Variants in PTPRM observed in about 807,000 individuals in gnomAD.
PTPRM encodes protein tyrosine phosphatase receptor type M.
Under a neutral mutation model 186.7 loss-of-function variants are expected in PTPRM, and 47 were observed. That is an observed-to-expected ratio of 0.25 (90% CI 0.20 to 0.32). The LOEUF is 0.32. Ranked by LOEUF, PTPRM falls within the 10% of genes least tolerant of loss-of-function variation. PTPRM has a pLI of 1.00. For missense variants in PTPRM, 1,494 were observed against 1,865.0 expected, an observed-to-expected ratio of 0.80 and a Z score of 3.66; for synonymous variants, 668 against 674.9, an observed-to-expected ratio of 0.99 and a Z score of 0.16.
chr18:8,392,495 C>G (rs1033175700), intron 31 of PTPRM, among the ~76,000 whole-genome samples: 1 of 151,944 alleles, frequency 6.6e-6, no homozygotes, highest in Non-Finnish European at 1.5e-5. Flanking sequence ...GGCATGGTGG[C>G]AGGTGCCTGT....
intron 2 of PTPRM, among the ~76,000 whole-genome samples, chr18:7,821,132 G>A (rs1054259223): frequency 3.9e-5 from 6 of 152,154 alleles, no homozygotes; most frequent in African/African-American, 1.4e-4. Context: ...CCATCTGGTA[G>A]AACTCACTCT....
intron 23 of PTPRM, among the ~76,000 whole-genome samples, chr18:8,343,850 C>T (rs944314403): frequency 2.0e-5 from 2 of 98,516 alleles, no homozygotes; most frequent in Non-Finnish European, 4.9e-5. Context: ...TTAGACATGA[C>T]TACCTTCCCA....
At chr18:7,653,522 C>G (rs1267493477) in intron 1 of PTPRM, among the ~76,000 whole-genome samples, 1 of 152,062 alleles carries the variant, frequency 6.6e-6, no homozygotes, top group Non-Finnish European at 1.5e-5. Context: ...CTCTTTGTGT[C>G]CATGAGTTCC....
chr18:8,352,012 C>T (rs1195154571), intron 23 of PTPRM, among the ~76,000 whole-genome samples: 1 of 152,116 alleles, frequency 6.6e-6, no homozygotes, highest in Non-Finnish European at 1.5e-5. Context: ...ACAAATTAGC[C>T]CAAAGATAGG....
At chr18:7,802,141 G>A (rs1399943392) in intron 2 of PTPRM, among the ~76,000 whole-genome samples, 2 of 151,936 alleles carry the variant, frequency 1.3e-5, no homozygotes, top group African/African-American at 2.4e-5. Context: ...CCAGTTTGCC[G>A]CAGCTGCTAA....
At chr18:7,619,325 G>A (rs1004628952) in intron 1 of PTPRM, among the ~76,000 whole-genome samples, 2 of 152,196 alleles carry the variant, frequency 1.3e-5, no homozygotes, top group Non-Finnish European at 2.9e-5. Context: ...AACATTTACA[G>A]ATGATGACAT....
chr18:8,378,331 G>A lies in PTPRM; in HGVS notation c.3529G>A (p.Ala1177Thr), dbSNP rs1234949195. The change falls in exon 27 of 33, where the codon GCT becomes ACT. Residue 1177 changes from alanine to threonine, a missense_variant. This residue lies in a region of PTPRM where 1,107 missense variants were observed against 1,350.2 expected (regional missense o/e 0.82). Transcript: ENST00000580170. ...TCTTTGTGGGGACACCTCTGTGCCT[G>A]CTTCCCAAGTTAGGTCTCTGTATTA... ...ACLCGDTSVP[A>T]SQVRSLYYDM... 3.7e-6 allele frequency: 6 copies of A among 1,613,396 alleles called. No homozygotes were observed. Among genetic ancestry groups the A allele is most frequent in the Non-Finnish European group, 4.2e-6 (5 of 1,179,412 alleles).
intron 22 of PTPRM, among the ~76,000 whole-genome samples, chr18:8,321,394 C>G (rs2095344688): frequency 6.6e-6 from 1 of 152,138 alleles, no homozygotes; most frequent in African/African-American, 2.4e-5. Flanking sequence ...CTTTACCAGG[C>G]TTCCTTCCCT....
intron 2 of PTPRM, among the ~76,000 whole-genome samples, chr18:7,848,168 C>A (rs2046690975): frequency 6.6e-6 from 1 of 152,142 alleles, no homozygotes; most frequent in South Asian, 2.1e-4. Context: ...TGTATCCTTG[C>A]TGCCTATGGG....
intron 1 of PTPRM, among the ~76,000 whole-genome samples, chr18:7,719,283 C>T (rs1436202093): frequency 6.6e-6 from 1 of 151,938 alleles, no homozygotes; most frequent in African/African-American, 2.4e-5. Flanking sequence ...AGTGAAGTAA[C>T]TCAGGAATGG....
intron 19 of PTPRM, among the ~76,000 whole-genome samples, chr18:8,273,705 G>T (rs1046193299): frequency 6.6e-6 from 1 of 152,152 alleles, no homozygotes; most frequent in African/African-American, 2.4e-5. Context: ...AGGAATCATT[G>T]GTATATATGG....
At chr18:7,587,699 A>G (rs1178385643) in intron 1 of PTPRM, among the ~76,000 whole-genome samples, 1 of 152,162 alleles carries the variant, frequency 6.6e-6, no homozygotes, top group East Asian at 1.9e-4. Context: ...TAGTTTCAAT[A>G]TACTTTAGCC....
chr18:8,335,976 C>T (rs748493727), intron 22 of PTPRM, among the ~76,000 whole-genome samples: 2 of 152,016 alleles, frequency 1.3e-5, no homozygotes, highest in Non-Finnish European at 2.9e-5. Context: ...GACCCATGAT[C>T]GCGCCACCGC....
At chr18:7,723,000 G>C (rs1366987458) in intron 1 of PTPRM, among the ~76,000 whole-genome samples, 1 of 151,626 alleles carries the variant, frequency 6.6e-6, no homozygotes, top group Non-Finnish European at 1.5e-5. Flanking sequence ...TGGAAAGTTA[G>C]TTTTTTTTTC....
chr18:8,325,065 T>C lies in PTPRM; in HGVS notation c.2956+5851T>C, dbSNP rs149824827. 3.3e-3 allele frequency among the ~76,000 whole-genome samples: 504 copies of C among 152,320 alleles called. 1 individual carries two copies. The highest frequency in any genetic ancestry group is 0.013 in the South Asian group (63 of 4,832). ...GAACTCAACCCCCAACCCTGGTTCC[T>C]CCATTGGCAACTTGTGTGACCTTGG... On this transcript the variant is annotated intron_variant, in intron 22 of 32. Transcript: ENST00000580170.
chr18:8,197,938 C>G lies in PTPRM; in HGVS notation c.2301-46120C>G, dbSNP rs137856147. On this transcript the variant is annotated intron_variant, in intron 14 of 32. Coordinates refer to ENST00000580170, the MANE Select transcript of PTPRM (RefSeq NM_001105244.2). ...CATTAGAAGCTCATTCCAGGAATCC[C>G]AGCCTCGAAGGGATCATGGAGAAGG... Among the ~76,000 whole-genome samples, 34 of 152,282 alleles carry G rather than the reference C, an allele frequency of 2.2e-4. 1 individual carries two copies. Among genetic ancestry groups the G allele is most frequent in the African/African-American group, 7.7e-4 (32 of 41,548 alleles).
At chr18:8,339,186 A>C (rs1037441876) in intron 22 of PTPRM, among the ~76,000 whole-genome samples, 1 of 151,868 alleles carries the variant, frequency 6.6e-6, no homozygotes, top group Admixed American at 6.6e-5. Flanking sequence ...ATTGAAAAAA[A>C]AAAACGTTCC....
At chr18:7,747,308 T>G (rs2041015816) in intron 1 of PTPRM, among the ~76,000 whole-genome samples, 1 of 152,164 alleles carries the variant, frequency 6.6e-6, no homozygotes, top group Non-Finnish European at 1.5e-5. Context: ...GGCTTGTTTG[T>G]CTGTCCACAC....
intron 32 of PTPRM, among the ~76,000 whole-genome samples, chr18:8,402,645 A>G (rs1429079306): frequency 6.6e-6 from 1 of 152,190 alleles, no homozygotes. Flanking sequence ...GTGATTCACA[A>G]AAGCATGATG....
Sources: allele counts gnomAD v4.1 joint callset (sites outside exome capture counted in the v4.1 genomes callset), GRCh38; gene constraint gnomAD v4.1.1; regional missense constraint gnomAD v4.1.1; transcripts MANE v1.5; gene names NCBI Gene and HGNC (gene_info 2026-07-23, HGNC 2026-07-21).